The following NCAM2 variants were observed in gnomAD, a reference collection of about 807,000 sequenced individuals.
NCAM2 encodes the protein neural cell adhesion molecule 2, also known as N-CAM-2.
NCAM2 carries 30 observed loss-of-function variants against 98.1 expected under a neutral mutation model. The observed-to-expected ratio is 0.31, with a 90% CI of 0.23 to 0.41. The LOEUF (loss-of-function observed/expected upper bound fraction) is 0.41. Ranked by LOEUF, NCAM2 falls within the 10% of genes least tolerant of loss-of-function variation. The pLI is 1.00. For missense variants in NCAM2, 867 were observed against 1,005.8 expected (o/e 0.86, Z 1.87); for synonymous variants, 368 against 342.4 (o/e 1.07, Z -0.83).
At chr21:21,159,682 A>C (rs1240342251) in intron 1 of NCAM2, among the ~76,000 whole-genome samples, 2 of 152,102 alleles carry the variant, frequency 1.3e-5, no homozygotes, top group Non-Finnish European at 2.9e-5. Flanking sequence ...TCTGACGTTC[A>C]CACAATGACG....
chr21:21,056,562 T>TGA (rs1201130158), intron 1 of NCAM2, among the ~76,000 whole-genome samples: 11 of 88,138 alleles, frequency 1.2e-4, no homozygotes, highest in Non-Finnish European at 2.4e-4. Flanking sequence ...AGAGAGAGAG[T>TGA]GAGAGAGAGA....
intron 9 of NCAM2, among the ~76,000 whole-genome samples, chr21:21,407,050 G>A (rs977435523): frequency 6.6e-6 from 1 of 152,100 alleles, no homozygotes; most frequent in Non-Finnish European, 1.5e-5. Context: ...CTTTCATGAT[G>A]TAAAGGGCCT....
chr21:21,265,927 T>C (rs1319468041), intron 1 of NCAM2, among the ~76,000 whole-genome samples: 1 of 152,086 alleles, frequency 6.6e-6, no homozygotes, highest in Non-Finnish European at 1.5e-5. Flanking sequence ...TATAAAAGAT[T>C]GTTTTATTAT....
At chr21:21,189,551 C>A (rs1030773669) in intron 1 of NCAM2, among the ~76,000 whole-genome samples, 1 of 152,030 alleles carries the variant, frequency 6.6e-6, no homozygotes, top group Non-Finnish European at 1.5e-5. Context: ...CACAGCAAGA[C>A]CTCGTCTCTA....
chr21:21,051,363 G>C (rs952692682), intron 1 of NCAM2, among the ~76,000 whole-genome samples: 1 of 152,056 alleles, frequency 6.6e-6, no homozygotes, highest in African/African-American at 2.4e-5. Flanking sequence ...TTGATCCCAA[G>C]GACACTTCTT....
At chr21:21,473,041 G>A (rs993685) in intron 14 of NCAM2, among the ~76,000 whole-genome samples, 1,695 of 150,306 alleles carry the variant, frequency 0.011, 44 homozygotes, top group African/African-American at 0.039. Flanking sequence ...TATACAATTC[G>A]GTGTTTTAAA....
chr21:21,006,057 C>A (rs1273138451), intron 1 of NCAM2, among the ~76,000 whole-genome samples: 1 of 152,074 alleles, frequency 6.6e-6, no homozygotes, highest in Non-Finnish European at 1.5e-5. Context: ...TTTTAAGTTC[C>A]TTCTTTAGGC....
intron 16 of NCAM2, among the ~76,000 whole-genome samples, chr21:21,517,305 C>A (rs370732304): frequency 6.6e-6 from 1 of 152,176 alleles, no homozygotes; most frequent in African/African-American, 2.4e-5. Flanking sequence ...ATATTCATTT[C>A]TTAGCATTGT....
intron 1 of NCAM2, among the ~76,000 whole-genome samples, chr21:21,246,897 G>A (rs114745632): frequency 0.014 from 2,098 of 152,266 alleles, 45 homozygotes; most frequent in African/African-American, 0.048. Flanking sequence ...TGGCTAGTAT[G>A]TAAATTATGG....
chr21:21,299,198 G>C (rs1365649978), intron 5 of NCAM2, among the ~76,000 whole-genome samples: 2 of 151,336 alleles, frequency 1.3e-5, no homozygotes, highest in Non-Finnish European at 3.0e-5. Context: ...CATGGGTCCT[G>C]TTCCTCAAAA....
chr21:21,379,095 G>A (rs952975441), intron 9 of NCAM2, among the ~76,000 whole-genome samples: 1 of 151,886 alleles, frequency 6.6e-6, no homozygotes, highest in Non-Finnish European at 1.5e-5. Context: ...TTGTGGAGTA[G>A]GTGTTCATTA....
rs1198196432 is a variant in NCAM2 at position 21,298,590 on chromosome 21, GA to G, written c.619+6350del. On this transcript the variant is annotated intron_variant, in intron 5 of 17. Transcript: ENST00000400546. Reference sequence around the variant, plus strand: ...ATAAACTAGAGAAATGATAGATACAGATAGATAGATAGATAGATAGATAGAT... The same window carrying G: ...ATAAACTAGAGAAATGATAGATACAGTAGATAGATAGATAGATAGATAGAT... 9.9e-5 allele frequency among the ~76,000 whole-genome samples: 3 copies of G among 30,412 alleles called. No homozygotes were observed. The South Asian group carries it at 3.6e-3, about 37-fold the overall frequency. 20.0% of individuals were successfully genotyped at this position (30,412 alleles called of 152,430 possible).
At chr21:21,498,258 T>G (rs1263198397) in intron 15 of NCAM2, among the ~76,000 whole-genome samples, 1 of 152,146 alleles carries the variant, frequency 6.6e-6, no homozygotes, top group Non-Finnish European at 1.5e-5. Context: ...ATAATTTAAT[T>G]TTGATTTTTA....
intron 14 of NCAM2, among the ~76,000 whole-genome samples, 153 bp from the exon 15 acceptor site, chr21:21,477,138 C>T (rs1250655951): frequency 6.6e-6 from 1 of 152,062 alleles, no homozygotes; most frequent in Admixed American, 6.6e-5. Flanking sequence ...ATACTGGCTT[C>T]ATTGACACAG....
intron 1 of NCAM2, among the ~76,000 whole-genome samples, chr21:21,062,500 T>C (rs926096655): frequency 2.6e-5 from 4 of 152,232 alleles, no homozygotes; most frequent in Admixed American, 2.6e-4. Context: ...CAGAGCCATG[T>C]GTTAGGCACT....
At position 21,093,235 on chromosome 21, in the gene NCAM2, T is replaced by C. The variant is rs994639831; in HGVS notation, c.55+94617T>C. On this transcript the variant is annotated intron_variant, in intron 1 of 17. Coordinates refer to ENST00000400546, the MANE Select transcript of NCAM2 (RefSeq NM_004540.5). ...CTCCTGTGTGGAGACGTCTTTTGTC[T>C]CTTCACCCTTTTCTGCCTCCTGGAA... 2.0e-5 allele frequency among the ~76,000 whole-genome samples: 3 copies of C among 152,170 alleles called. No homozygotes were observed. In the East Asian group the frequency reaches 5.8e-4, roughly 29 times the overall value.
At chr21:21,025,517 T>C (rs1348818089) in intron 1 of NCAM2, among the ~76,000 whole-genome samples, 1 of 152,220 alleles carries the variant, frequency 6.6e-6, no homozygotes, top group Non-Finnish European at 1.5e-5. Context: ...ATTTTAAATG[T>C]AGAAATTACT....
intron 1 of NCAM2, among the ~76,000 whole-genome samples, chr21:21,093,256 T>G (rs1329204521): frequency 2.0e-5 from 3 of 152,078 alleles, no homozygotes; most frequent in Admixed American, 6.6e-5. Flanking sequence ...TTCTGCCTCC[T>G]GGAAATAGAC....
At chr21:21,234,745 T>C (rs1043149326) in intron 1 of NCAM2, among the ~76,000 whole-genome samples, 1 of 151,910 alleles carries the variant, frequency 6.6e-6, no homozygotes, top group Non-Finnish European at 1.5e-5. Context: ...GAGGGAGCTT[T>C]TAAGCAGAGT....
Sources: allele counts gnomAD v4.1 joint callset (sites outside exome capture counted in the v4.1 genomes callset), GRCh38; gene constraint gnomAD v4.1.1; transcripts MANE v1.5; gene names NCBI Gene and HGNC (gene_info 2026-07-23, HGNC 2026-07-21).